The following GSN variants were observed in gnomAD, a reference collection of about 807,000 sequenced individuals.
GSN encodes actin-depolymerizing factor.
Under a neutral mutation model 85.7 loss-of-function variants are expected in GSN, and 56 were observed. That is an observed-to-expected ratio of 0.65 (90% CI 0.53 to 0.82). The LOEUF is 0.82. GSN is among the 40% of genes least tolerant of loss of function. The pLI, the probability that GSN is intolerant of heterozygous loss-of-function variation, is 0.00. For missense variants in GSN, 857 were observed against 979.8 expected, an observed-to-expected ratio of 0.87 and a Z score of 1.67; for synonymous variants, 373 against 399.1, an observed-to-expected ratio of 0.93 and a Z score of 0.78.
intron 4 of GSN, among the ~76,000 whole-genome samples, chr9:121,217,798 G>GTATTATTATTATTAT (rs202182690): frequency 5.6e-5 from 8 of 143,380 alleles, no homozygotes; most frequent in African/African-American, 1.0e-4. Flanking sequence ...ATATAGAAAT[G>GTATTATTATTATTAT]TATTATTATT....
At chr9:121,221,716 C>T (rs2054173109) in intron 4 of GSN, among the ~76,000 whole-genome samples, 1 of 152,138 alleles carries the variant, frequency 6.6e-6, no homozygotes, top group South Asian at 2.1e-4. Flanking sequence ...TGGGTCTCTT[C>T]CAGGGCTGAC....
intron 5 of GSN, 29 bp from the exon 6 acceptor site, chr9:121,312,310 C>T (rs2061242184): frequency 1.2e-6 from 2 of 1,613,336 alleles, no homozygotes; most frequent in Middle Eastern, 1.6e-4. Context: ...GAAGGCGGGG[C>T]ACTGACTTCC....
At chr9:121,216,409 C>T (rs2054064971) in intron 4 of GSN, among the ~76,000 whole-genome samples, 1 of 152,226 alleles carries the variant, frequency 6.6e-6, no homozygotes, top group South Asian at 2.1e-4. Context: ...GCTACGTCTC[C>T]ACCACTTCCT....
intron 1 of GSN, chr9:121,280,892 G>A (rs1204388798): frequency 2.0e-5 from 3 of 151,570 alleles, no homozygotes; most frequent in Admixed American, 2.0e-4. Context: ...AAATGCAAAT[G>A]GGATTTTAGG....
intron 13 of GSN, 73 bp downstream of exon 13, chr9:121,326,755 A>G (rs752439039): frequency 1.5e-6 from 2 of 1,290,334 alleles, no homozygotes; most frequent in Non-Finnish European, 2.3e-6. Flanking sequence ...CCAGATCTCC[A>G]GGCACAGGAA....
chr9:121,287,897 T>G (rs1252261688), intron 2 of GSN, among the ~76,000 whole-genome samples: 1 of 152,130 alleles, frequency 6.6e-6, no homozygotes, highest in Non-Finnish European at 1.5e-5. Context: ...TCCATCTCTA[T>G]GCACACCCCA....
At chr9:121,288,933 G>A (rs1269141982) in intron 2 of GSN, among the ~76,000 whole-genome samples, 1 of 152,184 alleles carries the variant, frequency 6.6e-6, no homozygotes, top group Non-Finnish European at 1.5e-5. Flanking sequence ...CAAGAGGAAC[G>A]CAGGGCCTGC....
intron 7 of GSN, among the ~76,000 whole-genome samples, chr9:121,315,931 C>G (rs1012365862): frequency 6.6e-6 from 1 of 152,178 alleles, no homozygotes; most frequent in African/African-American, 2.4e-5. Context: ...ACAGAACTAT[C>G]ATATGCAAGG....
At chr9:121,280,385 C>T (rs1219017120) in intron 1 of GSN, 1 of 152,228 alleles carries the variant, frequency 6.6e-6, no homozygotes, top group Admixed American at 6.5e-5. Context: ...ACATGCCATG[C>T]TGAAGCTTTA....
At chr9:121,264,584 C>G (rs1163583691), upstream of GSN, among the ~76,000 whole-genome samples, 1 of 152,234 alleles carries the variant, frequency 6.6e-6, no homozygotes, top group Non-Finnish European at 1.5e-5. Context: ...AAATAACAGT[C>G]TCCTTTCCTT....
chr9:121,290,709 A>C (rs2058603340), intron 2 of GSN, among the ~76,000 whole-genome samples: 2 of 152,252 alleles, frequency 1.3e-5, no homozygotes, highest in Admixed American at 1.3e-4. Flanking sequence ...CAATGACGAA[A>C]ACTGCAATAC....
In GSN at chr9:121,299,981, C is replaced by T. The variant is rs996486213; in HGVS notation, c.-9-1982C>T. The T allele has an allele frequency of 1.4e-6, 2 of 1,410,330 alleles. No homozygotes were observed. Among genetic ancestry groups the T allele is most frequent in the Admixed American group, 2.4e-5 (1 of 41,870 alleles). 87.4% of individuals were successfully genotyped at this position (1,410,330 alleles called of 1,614,324 possible). A position where few individuals can be genotyped will look rare whatever the true frequency, so the allele number is the denominator to read the frequency against. On this transcript the variant is annotated intron_variant, in intron 2 of 17. Transcript: ENST00000432226. This position sits in a 1 kb window ranked among gnomAD's most constrained non-coding sequence, Gnocchi z 4.2. ...GGGGGGCGTCCCAGGCGGGGGCGCC[C>T]CAGGGGCGGGTGCCCGAGGCGCGGG...
At chr9:121,264,720 G>A (rs1290938544), upstream of GSN, among the ~76,000 whole-genome samples, 1 of 152,114 alleles carries the variant, frequency 6.6e-6, no homozygotes, top group Non-Finnish European at 1.5e-5. Context: ...CTGAATCCAA[G>A]CCGTTGTCTC....
Position 121,329,604 on chromosome 9 carries a change from A to AGCGTGAACTCTTCCTTTAAATCTGT in GSN, c.1965+290_1965+314dup, listed in dbSNP as rs2063662154. ...ATCATTCTCTCCCAGACCTTGCAGG[A>AGCGTGAACTCTTCCTTTAAATCTGT]GCGTGAACTCTTCCTTTAAATCTGT... On this transcript the variant is annotated intron_variant, in intron 16 of 17. Coordinates refer to ENST00000432226, the MANE Select transcript of GSN (RefSeq NM_198252.3). The surrounding 1 kb of genome is among the most constrained non-coding windows in gnomAD (Gnocchi z 4.6). 6.6e-6 allele frequency among the ~76,000 whole-genome samples: 1 copy of AGCGTGAACTCTTCCTTTAAATCTGT among 152,166 alleles called. No individual in the cohort carries two copies. Among genetic ancestry groups the AGCGTGAACTCTTCCTTTAAATCTGT allele is most frequent in the Non-Finnish European group, 1.5e-5 (1 of 68,032 alleles).
chr9:121,317,228 A>T lies in GSN; in HGVS notation c.886+10A>T. 1 of 1,614,022 alleles carries T rather than the reference A, an allele frequency of 6.2e-7. No individual in the cohort carries two copies. Among genetic ancestry groups the T allele is most frequent in the Non-Finnish European group, 8.5e-7 (1 of 1,179,952 alleles). ...ATCTTTGTCTGGAAAGGTACTGGAG[A>T]CAGGGAAAGGGTCCCAACTGGCCTG... On this transcript the variant is annotated intron_variant, in intron 8 of 17. Coordinates refer to ENST00000432226, the MANE Select transcript of GSN (RefSeq NM_198252.3).
At chr9:121,289,121 C>T (rs1048087174) in intron 2 of GSN, among the ~76,000 whole-genome samples, 4 of 152,068 alleles carry the variant, frequency 2.6e-5, no homozygotes, top group South Asian at 2.1e-4. Flanking sequence ...CAGCAAGCAA[C>T]AGCAGGAACC....
chr9:121,241,761 A>G (rs2054609965), intron 5 of GSN, among the ~76,000 whole-genome samples: 1 of 152,206 alleles, frequency 6.6e-6, no homozygotes, highest in African/African-American at 2.4e-5. Context: ...ATACATCATG[A>G]TTTGTAAATA....
chr9:121,239,575 C>T (rs1029908633), intron 5 of GSN: 10 of 277,742 alleles, frequency 3.6e-5, no homozygotes, highest in African/African-American at 4.6e-5. Flanking sequence ...TTTTCTGCCC[C>T]GGCAATACTG....
At chr9:121,305,983 T>C (rs1483992562) in intron 4 of GSN, among the ~76,000 whole-genome samples, 3 of 152,202 alleles carry the variant, frequency 2.0e-5, no homozygotes, top group Non-Finnish European at 4.4e-5. Context: ...AGCAAGCCAC[T>C]AGAAAGGGCT....
Sources: allele counts gnomAD v4.1 joint callset (sites outside exome capture counted in the v4.1 genomes callset), GRCh38; gene constraint gnomAD v4.1.1; non-coding constraint Gnocchi (gnomAD v3.1); transcripts MANE v1.5; gene names NCBI Gene and HGNC (gene_info 2026-07-23, HGNC 2026-07-21).